Variants in ACSM3 observed in about 807,000 individuals in gnomAD.
ACSM3 encodes acyl-coenzyme A synthetase ACSM3, mitochondrial.
ACSM3 carries 61 observed loss-of-function variants against 74.1 expected under a neutral mutation model. That is an observed-to-expected ratio of 0.82 (90% CI 0.67 to 1.02). ACSM3 has a LOEUF of 1.02. Among genes scored for constraint, ACSM3 ranks in the 50% least tolerant of loss-of-function variants. The probability of loss-of-function intolerance (pLI) is 0.00; values close to 1 mark genes in which losing one functional copy is unlikely to be tolerated. For missense variants in ACSM3, 660 were observed against 697.0 expected (o/e 0.95, Z 0.60); for synonymous variants, 213 against 241.5 (o/e 0.88, Z 1.09).
At chr16:20,745,173 C>G (rs1218416021) in intron 1 of ACSM3, among the ~76,000 whole-genome samples, 1 of 152,170 alleles carries the variant, frequency 6.6e-6, no homozygotes, top group Admixed American at 6.5e-5. Context: ...TAGACTACAT[C>G]TATTATTTCA....
At chr16:20,691,463 C>T (rs1041832362) in intron 1 of ACSM3, among the ~76,000 whole-genome samples, 5 of 152,170 alleles carry the variant, frequency 3.3e-5, no homozygotes, top group African/African-American at 4.8e-5. Context: ...GTTTGGTGCG[C>T]GTTCCTAGGG....
intron 4 of ACSM3, among the ~76,000 whole-genome samples, chr16:20,778,679 A>T (rs1319737795): frequency 6.6e-6 from 1 of 152,118 alleles, no homozygotes; most frequent in African/African-American, 2.4e-5. Flanking sequence ...CTAGTAAGAG[A>T]TCAGTACAAC....
At chr16:20,743,163 C>T (rs1305856086) in intron 1 of ACSM3, among the ~76,000 whole-genome samples, 1 of 152,044 alleles carries the variant, frequency 6.6e-6, no homozygotes, top group Non-Finnish European at 1.5e-5. Context: ...TGGTCTCAAT[C>T]TCCTGACCTC....
At chr16:20,791,015 G>C (rs2080585531) in intron 10 of ACSM3, 6 of 1,435,778 alleles carry the variant, frequency 4.2e-6, no homozygotes, top group Non-Finnish European at 3.9e-6. Flanking sequence ...AATCCAGTTA[G>C]TGCTCTTTCT....
intron 1 of ACSM3, chr16:20,679,663 A>G (rs2079397077): frequency 6.6e-6 from 1 of 152,146 alleles, no homozygotes; most frequent in Non-Finnish European, 1.5e-5. Context: ...TGTACATACT[A>G]CCTGGGTAAG....
chr16:20,736,140 A>T (rs1322648826), intron 1 of ACSM3: 1 of 152,230 alleles, frequency 6.6e-6, no homozygotes, highest in Non-Finnish European at 1.5e-5. Context: ...ATGGGACAGG[A>T]GAGCTTGGAC....
Position 20,797,457 on chromosome 16 carries a change from T to C in ACSM3, c.*485T>C. On this transcript the variant is annotated 3_prime_UTR_variant, in exon 14 of 14. Coordinates refer to ENST00000289416, the MANE Select transcript of ACSM3 (RefSeq NM_005622.4). ...CTGAAAATAGACTAGGGATTTTTAT[T>C]AGTCACATTTTTTGCAAATAATTTA... 1 of 1,052,360 alleles carries C rather than the reference T, an allele frequency of 9.5e-7. No individual in the cohort carries two copies. The highest frequency in any genetic ancestry group is 1.1e-6 in the Non-Finnish European group (1 of 871,334). 65.2% of individuals were successfully genotyped at this position (1,052,360 alleles called of 1,614,324 possible).
chr16:20,775,890 G>A lies in ACSM3; in HGVS notation c.271G>A (p.Glu91Lys), dbSNP rs1180884986. 1 of 1,614,162 alleles carries A rather than the reference G, an allele frequency of 6.2e-7. No individual in the cohort carries two copies. Among genetic ancestry groups the A allele is most frequent in the Non-Finnish European group, 8.5e-7 (1 of 1,180,026 alleles). The change falls in exon 3 of 14, where the codon GAA (glutamate) becomes AAA (lysine). Residue 91 changes from glutamate to lysine, a missense_variant. Glu to Lys is a moderately conservative substitution (Grantham distance 56, BLOSUM62 1). Transcript: ENST00000289416. The part of the protein sequence containing the change: ...PAFWWINRNG[E>K]EMRWSFEELG... ...CTTCTGGTGGATCAACAGAAATGGA[G>A]AAGAGATGCGATGGAGTTTTGAGGA...
rs1302552538 is a variant in ACSM3, at chr16:20,774,342, A to T, written c.220-1497A>T. 2.0e-5 allele frequency among the ~76,000 whole-genome samples: 3 copies of T among 151,468 alleles called. No individual in the cohort carries two copies. The East Asian group carries it at 5.8e-4, about 29-fold the overall frequency. ...CTGCAACCTCCGCCTCCCGGGTTCAAGCGATTCTCCTGCCTCAGCCTCCCA... is the reference window on the plus strand; with the variant it reads ...CTGCAACCTCCGCCTCCCGGGTTCATGCGATTCTCCTGCCTCAGCCTCCCA... On this transcript the variant is annotated intron_variant, in intron 2 of 13. Transcript: ENST00000289416.
chr16:20,735,737 T>C (rs951920013), intron 1 of ACSM3: 3 of 152,216 alleles, frequency 2.0e-5, no homozygotes, highest in African/African-American at 7.2e-5. Flanking sequence ...ATGACAAATA[T>C]TAGTGAAACC....
chr16:20,775,723 T>C (rs2080247247), intron 2 of ACSM3, 116 bp from the exon 3 acceptor site: 1 of 987,914 alleles, frequency 1.0e-6, no homozygotes, highest in South Asian at 1.4e-5. Flanking sequence ...TCTCCATCCA[T>C]GTTCTAACTA....
upstream of ACSM3, among the ~76,000 whole-genome samples, chr16:20,760,712 T>C (rs2080069960): frequency 6.6e-6 from 1 of 152,096 alleles, no homozygotes; most frequent in African/African-American, 2.4e-5. Flanking sequence ...TAAGTATAAC[T>C]CAAGTTAAAG....
At chr16:20,770,398 G>A (rs2152455404) in intron 2 of ACSM3, 145 bp downstream of exon 2, 1 of 685,522 alleles carries the variant, frequency 1.5e-6, no homozygotes, top group East Asian at 2.7e-5. Flanking sequence ...GTAAAAGCCA[G>A]GGATTCTGCT....
intron 7 of ACSM3, among the ~76,000 whole-genome samples, chr16:20,782,551 C>T (rs770882843): frequency 1.6e-4 from 24 of 152,152 alleles, no homozygotes; most frequent in Non-Finnish European, 2.8e-4. Flanking sequence ...CCACATTGAC[C>T]AATTCTCCAA....
rs369403834 is a variant in ACSM3 at position 20,795,220 on chromosome 16, T to C, written c.1555-1150T>C. On this transcript the variant is annotated intron_variant, in intron 12 of 13. Transcript: ENST00000289416. Reference sequence around the variant, plus strand: ...TTTTTTCTTAGAGACAAAGTCTCACTATGTTGCCCAGTCTGCTCTCGAACT... The same window carrying C: ...TTTTTTCTTAGAGACAAAGTCTCACCATGTTGCCCAGTCTGCTCTCGAACT... Among the ~76,000 whole-genome samples the C allele has an allele frequency of 1.0e-3, 159 of 152,280 alleles. 3 individuals are homozygous for C. In the South Asian group the frequency reaches 0.031, roughly 30 times the overall value.
intron 7 of ACSM3, chr16:20,783,699 A>G (rs1171084254): frequency 6.6e-6 from 1 of 152,172 alleles, no homozygotes; most frequent in East Asian, 1.9e-4. Flanking sequence ...CTTGCTTCAA[A>G]CCTTGTCCCC....
chr16:20,794,211 G>A (rs2080669340), intron 12 of ACSM3, among the ~76,000 whole-genome samples: 1 of 152,184 alleles, frequency 6.6e-6, no homozygotes, highest in South Asian at 2.1e-4. Context: ...TAATTGGGTA[G>A]CAAGTTCCAG....
chr16:20,685,084 G>T (rs2079522349), intron 1 of ACSM3: 3 of 1,161,614 alleles, frequency 2.6e-6, no homozygotes, highest in Non-Finnish European at 3.8e-6. Flanking sequence ...TGGGGCGAAG[G>T]CTTCAAAGCT....
At chr16:20,734,134 A>C (rs1436657540) in intron 1 of ACSM3, 1 of 152,546 alleles carries the variant, frequency 6.6e-6, no homozygotes, top group Non-Finnish European at 1.5e-5. Flanking sequence ...GACAATTTAA[A>C]AACAAACTGT....
Sources: allele counts gnomAD v4.1 joint callset (sites outside exome capture counted in the v4.1 genomes callset), GRCh38; gene constraint gnomAD v4.1.1; transcripts MANE v1.5; gene names NCBI Gene and HGNC (gene_info 2026-07-23, HGNC 2026-07-21).